Variants in ADGB observed in about 807,000 individuals in gnomAD.
ADGB encodes the protein calpain-7-like protein.
In ADGB, 172 loss-of-function variants were observed where a neutral mutation model predicts 210.5. The observed-to-expected ratio is 0.82, with a 90% CI of 0.72 to 0.93. ADGB has a LOEUF of 0.93. Ranked by LOEUF, ADGB falls within the 40% of genes least tolerant of loss-of-function variation. The pLI is 0.00. For synonymous variants in ADGB, 658 were observed against 662.7 expected (o/e 0.99, Z 0.11); for missense variants, 2,025 against 1,964.8 (o/e 1.03, Z -0.58).
intron 25 of ADGB, among the ~76,000 whole-genome samples, chr6:146,743,835 A>G (rs1034040419): frequency 6.6e-6 from 1 of 152,120 alleles, no homozygotes; most frequent in African/African-American, 2.4e-5. Context: ...AATCACTTGA[A>G]CCCAGAAGAC....
intron 26 of ADGB, among the ~76,000 whole-genome samples, chr6:146,749,680 A>C (rs184488162): frequency 5.1e-4 from 77 of 152,246 alleles, no homozygotes; most frequent in African/African-American, 1.4e-3. Flanking sequence ...CCTGAGACTC[A>C]GTAATTTATG....
chr6:146,691,961 C>G (rs1295612796), intron 11 of ADGB, among the ~76,000 whole-genome samples: 6 of 151,828 alleles, frequency 4.0e-5, no homozygotes, highest in African/African-American at 2.4e-5. Context: ...TCTATCTTCT[C>G]CTTTATTGTT....
rs748434133 is a variant in ADGB at position 146,784,646 on chromosome 6, A to G, written c.4064A>G (p.Asp1355Gly). 6.5e-7 allele frequency: 1 copy of G among 1,549,762 alleles called. No individual in the cohort carries two copies. Among genetic ancestry groups the G allele is most frequent in the Non-Finnish European group, 8.7e-7 (1 of 1,146,222 alleles). ...TCCACTGTTCACCCTCAACAAGAAGACCCAAATAAACCCTACTGGATTTTG... is the reference window on the plus strand; with the variant it reads ...TCCACTGTTCACCCTCAACAAGAAGGCCCAAATAAACCCTACTGGATTTTG... ...QISTVHPQQE[D>G]PNKPYWILRL... Residue 1355 changes from aspartate to glycine, a missense_variant, in exon 31 of 36, where the codon GAC (aspartate) becomes GGC (glycine). Asp to Gly is a moderately conservative substitution (Grantham distance 94, BLOSUM62 -1). Coordinates refer to ENST00000397944, the MANE Select transcript of ADGB (RefSeq NM_024694.4).
chr6:146,691,443 A>AATATATATAAATATATATAT (rs1397599810), intron 11 of ADGB, among the ~76,000 whole-genome samples, 153 bp downstream of exon 11: 2 of 21,284 alleles, frequency 9.4e-5, no homozygotes, highest in Non-Finnish European at 1.4e-4. Context: ...TATATATATA[A>AATATATATAAATATATATAT]AAATATATAT....
chr6:146,676,391 G>C lies in ADGB; in HGVS notation c.1166G>C (p.Gly389Ala). The C allele has an allele frequency of 5.8e-6, 9 of 1,548,002 alleles. No homozygotes were observed. Among genetic ancestry groups the C allele is most frequent in the Non-Finnish European group, 7.9e-6 (9 of 1,144,722 alleles). ...GAAAAATTCAAATTCTCACTTCATG[G>C]TTCAAGACCCTCATCAGAAGTGCAG... ...EKEKFKFSLH[G>A]SRPSSEVQYS... The change falls in exon 9 of 36, where the codon GGT becomes GCT. Residue 389 changes from glycine to alanine, a missense_variant. Gly to Ala is a moderately conservative substitution (Grantham distance 60). Transcript: ENST00000397944.
At chr6:146,784,588 T>C in intron 30 of ADGB, 30 bp from the exon 31 acceptor site, 1 of 1,472,570 alleles carries the variant, frequency 6.8e-7, no homozygotes, top group Non-Finnish European at 9.0e-7. Flanking sequence ...AAGGAAAGCA[T>C]GCAAAACCCA....
intron 1 of ADGB, among the ~76,000 whole-genome samples, 155 bp from the exon 2 acceptor site, chr6:146,635,220 C>T (rs1346507816): frequency 6.6e-6 from 1 of 151,950 alleles, no homozygotes; most frequent in East Asian, 1.9e-4. Context: ...AGAAACTTAA[C>T]ATGTAGAAGT....
At chr6:146,656,406 T>A (rs1775781378) in intron 4 of ADGB, among the ~76,000 whole-genome samples, 1 of 152,130 alleles carries the variant, frequency 6.6e-6, no homozygotes, top group Admixed American at 6.6e-5. Context: ...TACAAAAGAG[T>A]AGCTTGCTCA....
At chr6:146,670,483 A>C (rs1775992066) in intron 7 of ADGB, among the ~76,000 whole-genome samples, 1 of 152,096 alleles carries the variant, frequency 6.6e-6, no homozygotes, top group African/African-American at 2.4e-5. Context: ...ATGACCTTTC[A>C]TCAGATTATT....
In ADGB at chr6:146,815,191, A is replaced by G. The variant is rs1778368860; in HGVS notation, c.4978A>G (p.Lys1660Glu). The change falls in exon 36 of 36, where the codon AAA (lysine) becomes GAA (glutamate). Residue 1660 changes from lysine (K) to glutamate (E), a missense_variant. Coordinates refer to ENST00000397944, the MANE Select transcript of ADGB (RefSeq NM_024694.4). Reference sequence around the variant, plus strand: ...GATGACCCCAGCTCCTGACACACAGAAAAAAAAGAAAGGAAAGAAAAAGTA... The same window carrying G: ...GATGACCCCAGCTCCTGACACACAGGAAAAAAAGAAAGGAAAGAAAAAGTA... ...EKMTPAPDTQ[K>E]KKKGKKK is the part of the protein sequence containing the mutation. 1.3e-6 allele frequency: 2 copies of G among 1,503,466 alleles called. No homozygotes were observed. The highest frequency in any genetic ancestry group is 1.8e-6 in the Non-Finnish European group (2 of 1,133,328). The allele number at this position is 1,503,466 out of a possible 1,614,324, so 93.1% of individuals were successfully genotyped here.
At chr6:146,783,351 T>C (rs1777828453) in intron 30 of ADGB, among the ~76,000 whole-genome samples, 2 of 152,232 alleles carry the variant, frequency 1.3e-5, no homozygotes, top group East Asian at 1.9e-4. Flanking sequence ...ATGGTTCCTA[T>C]AGATTTCAAA....
At chr6:146,663,042 T>C (rs1562268190) in intron 5 of ADGB, among the ~76,000 whole-genome samples, 1 of 144,230 alleles carries the variant, frequency 6.9e-6, no homozygotes, top group Admixed American at 7.1e-5. Context: ...ATCTTAATAA[T>C]ATAGATCAAA....
intron 1 of ADGB, among the ~76,000 whole-genome samples, chr6:146,608,890 G>A (rs897206400): frequency 4.6e-5 from 7 of 152,060 alleles, no homozygotes; most frequent in African/African-American, 9.7e-5. Context: ...AGGTCCATTC[G>A]GTCATGTGTT....
intron 35 of ADGB, among the ~76,000 whole-genome samples, chr6:146,811,563 C>A (rs1778303300): frequency 1.3e-5 from 2 of 152,062 alleles, no homozygotes; most frequent in African/African-American, 4.8e-5. Flanking sequence ...TTTGTCATTA[C>A]AATTTAAGTG....
Position 146,752,699 on chromosome 6 carries a change from G to A in ADGB, c.3535G>A (p.Gly1179Ser), listed in dbSNP as rs1365230783. ...PAFHFLKSEK[G>S]LSSQSSKHIL... ...ATTTCACTTCTTGAAGAGTGAGAAA[G>A]GTTTGAGCTCCCAGTGTAAGTGTAC... Residue 1179 changes from glycine (G) to serine (S), a missense_variant, in exon 27 of 36, where the codon GGT (glycine) becomes AGT (serine). Coordinates refer to ENST00000397944, the MANE Select transcript of ADGB (RefSeq NM_024694.4). The A allele has an allele frequency of 2.6e-6, 4 of 1,549,456 alleles. No homozygotes were observed. Among genetic ancestry groups the A allele is most frequent in the Non-Finnish European group, 3.5e-6 (4 of 1,145,904 alleles).
chr6:146,751,032 T>C (rs982440332), intron 26 of ADGB, among the ~76,000 whole-genome samples: 5 of 152,136 alleles, frequency 3.3e-5, no homozygotes, highest in African/African-American at 9.7e-5. Context: ...GTTACATAGG[T>C]AAACATGTGC....
intron 25 of ADGB, among the ~76,000 whole-genome samples, chr6:146,745,339 C>T (rs1271295322): frequency 2.0e-5 from 3 of 152,156 alleles, no homozygotes; most frequent in African/African-American, 7.2e-5. Flanking sequence ...TTATGTTAAA[C>T]CAAGCTCTTC....
chr6:146,656,779 A>T lies in ADGB; in HGVS notation c.411A>T (p.Arg137Ser). The T allele has an allele frequency of 2.0e-6, 3 of 1,532,446 alleles. No individual in the cohort carries two copies. In the South Asian group the frequency reaches 3.7e-5, roughly 19 times the overall value. The allele number at this position is 1,532,446 out of a possible 1,614,324, so 94.9% of individuals were successfully genotyped here. Reference sequence around the variant, plus strand: ...ATGTTTTTTATCTCTAGCTGATGAGATGGATTATCAGTGAAATCTATGCAG... The same window carrying T: ...ATGTTTTTTATCTCTAGCTGATGAGTTGGATTATCAGTGAAATCTATGCAG... ...NEHLLCSELM[R>S]WIISEIYAVW... is the part of the protein sequence containing the mutation. The change falls in exon 5 of 36, where the codon AGA becomes AGT. Residue 137 changes from arginine to serine, a missense_variant. By Grantham distance (110) the Arg-to-Ser change is moderately radical (BLOSUM62 -1). Coordinates refer to ENST00000397944, the MANE Select transcript of ADGB (RefSeq NM_024694.4).
chr6:146,614,201 CT>C (rs1562255199), intron 1 of ADGB, among the ~76,000 whole-genome samples: 1 of 103,614 alleles, frequency 9.7e-6, no homozygotes, highest in African/African-American at 3.9e-5. Flanking sequence ...CCCTCCCTCC[CT>C]TCCTCCCTTC....
Sources: gnomAD v4.1 joint callset for allele counts (sites outside exome capture counted in the v4.1 genomes callset) on GRCh38, gnomAD v4.1.1 for gene constraint, MANE v1.5 for transcripts, NCBI Gene and HGNC (gene_info 2026-07-23, HGNC 2026-07-21) for gene names.